Variants in ABHD2 observed in about 807,000 individuals in gnomAD.
The protein encoded by ABHD2 is monoacylglycerol lipase ABHD2.
ABHD2 carries 20 observed loss-of-function variants against 48.1 expected under a neutral mutation model. The observed-to-expected ratio is 0.42, with a 90% CI of 0.29 to 0.60. ABHD2 has a LOEUF of 0.60. Among genes scored for constraint, ABHD2 ranks in the 20% least tolerant of loss-of-function variants. ABHD2 has a pLI of 0.24. For missense variants in ABHD2, 405 were observed against 550.9 expected (o/e 0.74, Z 2.65); for synonymous variants, 209 against 214.2 (o/e 0.98, Z 0.21).
the ABHD2 span, among the ~76,000 whole-genome samples, chr15:89,059,855 G>A: frequency 2.2e-4 from 34 of 152,198 alleles, no homozygotes; most frequent in African/African-American, 7.0e-4. Context: ...GTCCGTGGCC[G>A]AAGGAAAACC....
chr15:89,059,301 C>T, the ABHD2 span, among the ~76,000 whole-genome samples: 3 of 152,140 alleles, frequency 2.0e-5, no homozygotes, highest in Admixed American at 2.0e-4. Context: ...ACAAAATGTT[C>T]GCTGTGGCTA....
intron 9 of ABHD2, among the ~76,000 whole-genome samples, chr15:89,191,422 T>C (rs1020862614): frequency 2.0e-5 from 3 of 152,166 alleles, no homozygotes; most frequent in Admixed American, 6.5e-5. Context: ...TAGTCTTCCT[T>C]TGACAGTATA....
chr15:89,096,892 G>A (rs1361899848), intron 1 of ABHD2, among the ~76,000 whole-genome samples: 1 of 152,126 alleles, frequency 6.6e-6, no homozygotes, highest in Non-Finnish European at 1.5e-5. Context: ...TTTATTTTTG[G>A]AGTGAGTGAT....
chr15:89,191,008 C>T (rs921452581), intron 8 of ABHD2, 72 bp from the exon 9 acceptor site: 107 of 1,474,744 alleles, frequency 7.3e-5, no homozygotes, highest in Non-Finnish European at 9.2e-5. Flanking sequence ...GAGCCATCGT[C>T]GGCTCAGCAT....
intron 3 of ABHD2, among the ~76,000 whole-genome samples, chr15:89,149,441 T>C (rs1465960164): frequency 1.3e-5 from 2 of 152,170 alleles, no homozygotes; most frequent in African/African-American, 2.4e-5. Flanking sequence ...ATTCTGTTCA[T>C]TGAAGCAAAT....
At position 89,201,714 on chromosome 15, in the gene ABHD2, G is replaced by A; in HGVS notation, c.*6291G>A. On this transcript the variant is annotated 3_prime_UTR_variant, in exon 11 of 11. Transcript: ENST00000352732. ...TTTAAGATTTGTAGTGACTACATCT[G>A]TGAAGGGGCCTTTGAATTTGAGGTC... 1.9e-6 allele frequency: 3 copies of A among 1,606,254 alleles called. No homozygotes were observed. In the African/African-American group the frequency reaches 4.0e-5, roughly 21 times the overall value.
At chr15:89,118,951 G>T (rs537316671) in intron 3 of ABHD2, among the ~76,000 whole-genome samples, 7 of 152,190 alleles carry the variant, frequency 4.6e-5, no homozygotes, top group African/African-American at 1.7e-4. Flanking sequence ...TCCTCCTATG[G>T]AAGTGGATCC....
chr15:89,121,553 C>T (rs1406514668), intron 3 of ABHD2, among the ~76,000 whole-genome samples: 1 of 151,630 alleles, frequency 6.6e-6, no homozygotes, highest in Non-Finnish European at 1.5e-5. Flanking sequence ...TGTATGTATT[C>T]AGCTGTGTAA....
chr15:89,124,135 T>C (rs540778782), intron 3 of ABHD2, among the ~76,000 whole-genome samples: 1 of 152,352 alleles, frequency 6.6e-6, no homozygotes, highest in East Asian at 1.9e-4. Context: ...ATTAAATAAT[T>C]AGAAATACAC....
At chr15:89,180,019 A>G (rs1483138014) in intron 6 of ABHD2, among the ~76,000 whole-genome samples, 1 of 152,268 alleles carries the variant, frequency 6.6e-6, no homozygotes, top group Non-Finnish European at 1.5e-5. Flanking sequence ...AATATTATTC[A>G]TAAAGTTTCC....
chr15:89,072,575 G>T, the ABHD2 span, among the ~76,000 whole-genome samples: 1 of 147,414 alleles, frequency 6.8e-6, no homozygotes, highest in Non-Finnish European at 1.5e-5. Context: ...GAAGGGGAAG[G>T]GGAGGGAAGA....
At chr15:89,147,682 A>T (rs913619924) in intron 3 of ABHD2, among the ~76,000 whole-genome samples, 7 of 152,076 alleles carry the variant, frequency 4.6e-5, no homozygotes, top group Non-Finnish European at 1.0e-4. Flanking sequence ...AAAATGCAAA[A>T]CACAAAGGTT....
chr15:89,085,710 CCATTTA>C (rs1252482142), upstream of ABHD2, among the ~76,000 whole-genome samples: 1 of 152,182 alleles, frequency 6.6e-6, no homozygotes, highest in African/African-American at 2.4e-5. This position sits in a 1 kb window ranked among gnomAD's most constrained non-coding sequence, Gnocchi z 4.2. Context: ...GAGAAAAAAG[CCATTTA>C]CACAATGGCG....
rs563011263 is a variant in ABHD2 at position 89,174,109 on chromosome 15, G to C, written c.539-1703G>C. 5.9e-5 allele frequency among the ~76,000 whole-genome samples: 9 copies of C among 151,992 alleles called. No homozygotes were observed. Among genetic ancestry groups the C allele is most frequent in the Admixed American group, 2.0e-4 (3 of 15,258 alleles). On this transcript the variant is annotated intron_variant, in intron 5 of 10. Transcript: ENST00000352732. The surrounding 1 kb of genome is among the most constrained non-coding windows in gnomAD (Gnocchi z 4.1). The stretch of plus-strand genomic sequence containing the variant: ...GGGTATAAATGTGTAAAATTTCATT[G>C]ATTGTGCATTTTCCTGTATGTATGT...
chr15:89,141,293 C>G (rs1046004033), intron 3 of ABHD2, among the ~76,000 whole-genome samples: 1 of 152,158 alleles, frequency 6.6e-6, no homozygotes, highest in Non-Finnish European at 1.5e-5. Flanking sequence ...ACAGTTTCGC[C>G]TTTTAACTTG....
chr15:89,190,259 G>T (rs190599135), intron 8 of ABHD2, among the ~76,000 whole-genome samples: 4 of 152,348 alleles, frequency 2.6e-5, no homozygotes, highest in Admixed American at 2.6e-4. Flanking sequence ...GCCTCCTGGT[G>T]TCGGAGCTCC....
In ABHD2 at chr15:89,143,099, T is replaced by C. The variant is rs28667207; in HGVS notation, c.195-8578T>C. Among the ~76,000 whole-genome samples the C allele has an allele frequency of 7.0e-3, 1,064 of 152,320 alleles. 12 individuals carry two copies. The highest frequency in any genetic ancestry group is 0.024 in the African/African-American group (997 of 41,566). ...AGACTGGAGTCATTAATCGTTTTTT[T>C]GTCCGTGTCATATATTATGACCATA... On this transcript the variant is annotated intron_variant, in intron 3 of 10. Transcript: ENST00000352732.
rs139213859 is a variant in ABHD2 at position 89,160,521 on chromosome 15, C to G, written c.538+4987C>G. Among the ~76,000 whole-genome samples, 918 of 151,060 alleles carry G rather than the reference C, an allele frequency of 6.1e-3. 13 individuals are homozygous for G. The highest frequency in any genetic ancestry group is 0.021 in the African/African-American group (876 of 41,108). On this transcript the variant is annotated intron_variant, in intron 5 of 10. Transcript: ENST00000352732. ...TTTTTTTTTCTTTTTTCATTTGAAC[C>G]AAAGAATTATTGTGTCCAGTTCCAT...
At chr15:89,107,886 G>A (rs2049811685) in intron 1 of ABHD2, among the ~76,000 whole-genome samples, 1 of 152,204 alleles carries the variant, frequency 6.6e-6, no homozygotes, top group African/African-American at 2.4e-5. Flanking sequence ...TCCCCCAGCT[G>A]TCTGTGTCCT....
Sources: gnomAD v4.1 joint callset for allele counts (sites outside exome capture counted in the v4.1 genomes callset) on GRCh38, gnomAD v4.1.1 for gene constraint, Gnocchi (gnomAD v3.1) non-coding constraint, MANE v1.5 for transcripts, NCBI Gene and HGNC (gene_info 2026-07-23, HGNC 2026-07-21) for gene names.